RGPD8: variants seen among roughly 807,000 people sequenced by gnomAD.
RGPD8 encodes RANBP2 like and GRIP domain containing 8.
A neutral mutation model predicts 89.1 loss-of-function variants in RGPD8; 15 were observed. The observed-to-expected ratio is 0.17, with a 90% confidence interval of 0.11 to 0.26. RGPD8 has a LOEUF of 0.26. Ranked by LOEUF, RGPD8 falls within the 10% of genes least tolerant of loss-of-function variation. RGPD8 has a pLI of 1.00. For missense variants in RGPD8, 178 were observed against 1,179.6 expected (o/e 0.15, Z 12.44); for synonymous variants, 62 against 420.9 (o/e 0.15, Z 10.44).
intron 6 of RGPD8, among the ~76,000 whole-genome samples, chr2:112,414,856 TA>T (rs1388546572): frequency 1.0e-5 from 1 of 99,302 alleles, no homozygotes; most frequent in Non-Finnish European, 1.9e-5. Flanking sequence ...CCATCTCTAC[TA>T]AAAATACAAA....
At chr2:112,415,835 ACT>A (rs1679380283) in intron 6 of RGPD8, among the ~76,000 whole-genome samples, 1 of 147,628 alleles carries the variant, frequency 6.8e-6, no homozygotes, top group African/African-American at 2.5e-5. Context: ...GTGAGCCGAG[ACT>A]GCACCACTGC....
Position 112,400,093 on chromosome 2 carries a change from GTTC to G in RGPD8, c.1857_1859del (p.Lys619del). 1 of 246,832 alleles carries G rather than the reference GTTC, an allele frequency of 4.1e-6. No homozygotes were observed. The highest frequency in any genetic ancestry group is 6.8e-6 in the Non-Finnish European group (1 of 147,568). The allele number at this position is 246,832 out of a possible 1,614,324, so 15.3% of individuals were successfully genotyped here. ...GAGGATCAATAGGTTCAGGAATACTGTTCTTCTTTATTATCTTCAACAATGGCA... is the reference window on the plus strand; with the variant it reads ...GAGGATCAATAGGTTCAGGAATACTGTTCTTTATTATCTTCAACAATGGCA... On this transcript the variant is annotated inframe_deletion, in exon 13 of 23. Transcript: ENST00000302558.
chr2:112,433,025 C>CTGACCCA (rs1680120946), intron 1 of RGPD8, among the ~76,000 whole-genome samples: 1 of 88,148 alleles, frequency 1.1e-5, no homozygotes, highest in Non-Finnish European at 3.0e-5. Flanking sequence ...GCCATGACCC[C>CTGACCCA]TGACCCATCG....
intron 1 of RGPD8, among the ~76,000 whole-genome samples, chr2:112,425,575 C>T (rs1443873703): frequency 1.3e-5 from 2 of 151,676 alleles, no homozygotes; most frequent in East Asian, 3.9e-4. Context: ...GCCTGGCCAA[C>T]ATACAGAAAC....
intron 1 of RGPD8, among the ~76,000 whole-genome samples, chr2:112,430,562 C>T (rs1243108435): frequency 6.6e-6 from 1 of 151,912 alleles, no homozygotes; most frequent in African/African-American, 2.4e-5. Flanking sequence ...AAAGAACATT[C>T]TGACTTCTGT....
At chr2:112,415,712 CAAAAA>C (rs1228042690) in intron 6 of RGPD8, among the ~76,000 whole-genome samples, 9 of 91,332 alleles carry the variant, frequency 9.9e-5, no homozygotes, top group African/African-American at 1.5e-4. Context: ...GACTCTGTCT[CAAAAA>C]AAAAAAAAAA....
intron 7 of RGPD8, among the ~76,000 whole-genome samples, chr2:112,411,151 C>T (rs1679176481): frequency 6.6e-6 from 1 of 152,240 alleles, no homozygotes; most frequent in Non-Finnish European, 1.5e-5. Flanking sequence ...CTTTTTTTTC[C>T]CTCCCCAAGC....
rs2458944 is a variant in RGPD8 at position 112,432,514 on chromosome 2, A to G, written c.72+868T>C. 3.5e-4 allele frequency: 342 copies of G among 985,106 alleles called. 1 individual carries two copies. Among genetic ancestry groups the G allele is most frequent in the East Asian group, 1.5e-3 (13 of 8,800 alleles). 61.0% of individuals were successfully genotyped at this position (985,106 alleles called of 1,614,324 possible). A position where few individuals can be genotyped will look rare whatever the true frequency, so the allele number is the denominator to read the frequency against. On this transcript the variant is annotated intron_variant, in intron 1 of 22. Coordinates refer to ENST00000302558, the MANE Select transcript of RGPD8 (RefSeq NM_001164463.1). The stretch of plus-strand genomic sequence containing the variant: ...TGCCATCGGGCCATTGCAAATGTCC[A>G]CGCTGAGATGCCTACCTTGTCACTC...
chr2:112,414,323 A>G (rs1287539066), intron 6 of RGPD8, among the ~76,000 whole-genome samples: 1 of 109,018 alleles, frequency 9.2e-6, no homozygotes, highest in African/African-American at 4.1e-5. Flanking sequence ...TAAAAATACA[A>G]AAAATTAGCC....
At chr2:112,409,038 CTTACT>C (rs1246112242) in intron 7 of RGPD8, among the ~76,000 whole-genome samples, 1 of 138,118 alleles carries the variant, frequency 7.2e-6, no homozygotes. Context: ...TGCAGATGCA[CTTACT>C]AGAACCACAG....
At chr2:112,408,872 A>T (rs2104801856) in intron 7 of RGPD8, among the ~76,000 whole-genome samples, 1 of 152,046 alleles carries the variant, frequency 6.6e-6, no homozygotes, top group Admixed American at 6.5e-5. Flanking sequence ...GGGTTTGACC[A>T]TGTTGGTCAG....
intron 1 of RGPD8, chr2:112,432,706 CGG>C (rs1680098079): frequency 1.0e-6 from 1 of 985,160 alleles, no homozygotes; most frequent in Non-Finnish European, 1.2e-6. Context: ...CTAGGCCGCG[CGG>C]GTACTACGGG....
chr2:112,370,106 T>C lies in RGPD8; in HGVS notation c.*72A>G. On this transcript the variant is annotated 3_prime_UTR_variant, in exon 23 of 23. Transcript: ENST00000302558. The stretch of plus-strand genomic sequence containing the variant: ...CACACGAACCATTTTTGTAAACAGA[T>C]TCTATTTGGTTAATAGAAGTATTCC... 1.8e-6 allele frequency: 2 copies of C among 1,094,894 alleles called. No individual in the cohort carries two copies. The highest frequency in any genetic ancestry group is 2.6e-6 in the Non-Finnish European group (2 of 765,256). The allele number at this position is 1,094,894 out of a possible 1,614,324, so 67.8% of individuals were successfully genotyped here.
chr2:112,425,756 C>CAAA lies in RGPD8; in HGVS notation c.73-1452_73-1450dup, dbSNP rs942303412. Among the ~76,000 whole-genome samples, 96 of 100,390 alleles carry CAAA rather than the reference C, an allele frequency of 9.6e-4. 1 individual carries two copies. Among genetic ancestry groups the CAAA allele is most frequent in the African/African-American group, 3.4e-3 (90 of 26,448 alleles). 65.9% of individuals were successfully genotyped at this position (100,390 alleles called of 152,430 possible). A position where few individuals can be genotyped will look rare whatever the true frequency, so the allele number is the denominator to read the frequency against. On this transcript the variant is annotated intron_variant, in intron 1 of 22. Coordinates refer to ENST00000302558, the MANE Select transcript of RGPD8 (RefSeq NM_001164463.1). ...CCTGGGCAACAGAATGATTCCATCT[C>CAAA]AAAAAAAAAAAAAAAAAAATGCTGA...
chr2:112,430,228 G>A (rs2104407910), intron 1 of RGPD8, among the ~76,000 whole-genome samples: 1 of 152,190 alleles, frequency 6.6e-6, no homozygotes, highest in Middle Eastern at 3.4e-3. Context: ...GTTCACAGAT[G>A]GCCAGCCTCT....
At chr2:112,380,655 A>AAT in intron 21 of RGPD8, among the ~76,000 whole-genome samples, 169 bp downstream of exon 21, 1 of 149,088 alleles carries the variant, frequency 6.7e-6, no homozygotes, top group African/African-American at 2.4e-5. Flanking sequence ...TGTCTCAAAA[A>AAT]AAAAAAAAAA....
intron 20 of RGPD8, among the ~76,000 whole-genome samples, chr2:112,382,217 G>C (rs1678330191): frequency 6.6e-6 from 1 of 152,304 alleles, no homozygotes; most frequent in Non-Finnish European, 1.5e-5. Flanking sequence ...AGATGGCCTA[G>C]TGATCGTGTA....
intron 2 of RGPD8, 150 bp downstream of exon 2, chr2:112,424,090 G>C: frequency 9.2e-7 from 1 of 1,083,256 alleles, no homozygotes; most frequent in Non-Finnish European, 1.3e-6. Context: ...ATCTAGGCTG[G>C]TCCTTAGCAT....
chr2:112,410,813 G>A (rs1475081438), intron 7 of RGPD8, among the ~76,000 whole-genome samples: 1 of 152,038 alleles, frequency 6.6e-6, no homozygotes, highest in Non-Finnish European at 1.5e-5. Context: ...GGCAGGGCAT[G>A]CTGGCTCACT....
Sources: gnomAD v4.1 joint callset for allele counts (sites outside exome capture counted in the v4.1 genomes callset) on GRCh38, gnomAD v4.1.1 for gene constraint, MANE v1.5 for transcripts, NCBI Gene and HGNC (gene_info 2026-07-23, HGNC 2026-07-21) for gene names.